MTUS2: variants seen among roughly 807,000 people sequenced by gnomAD.
MTUS2 encodes the protein microtubule-associated tumor suppressor candidate 2.
A neutral mutation model predicts 114.1 loss-of-function variants in MTUS2; 40 were observed. The observed-to-expected ratio is 0.35, with a 90% CI of 0.27 to 0.46. The LOEUF (loss-of-function observed/expected upper bound fraction) is 0.46. Among genes scored for constraint, MTUS2 ranks in the 20% least tolerant of loss-of-function variants. The pLI is 1.00. For synonymous variants in MTUS2, 688 were observed against 672.0 expected (o/e 1.02, Z -0.37); for missense variants, 1,679 against 1,705.4 (o/e 0.98, Z 0.27).
intron 8 of MTUS2, among the ~76,000 whole-genome samples, chr13:29,379,947 G>GA (rs1450791432): frequency 1.3e-5 from 2 of 152,338 alleles, no homozygotes; most frequent in East Asian, 3.9e-4. Context: ...AAATGTAACT[G>GA]AAAATAGAAG....
chr13:29,172,294 A>G (rs1490090517), intron 5 of MTUS2, among the ~76,000 whole-genome samples: 1 of 152,188 alleles, frequency 6.6e-6, no homozygotes, highest in Non-Finnish European at 1.5e-5. Context: ...CCCCTCAAAC[A>G]TGCTGGCTTC....
At chr13:29,194,357 C>T (rs1166860009) in intron 5 of MTUS2, among the ~76,000 whole-genome samples, 1 of 150,142 alleles carries the variant, frequency 6.7e-6, no homozygotes, top group Admixed American at 6.6e-5. Flanking sequence ...TGACAAAGGG[C>T]TAATATCCAG....
chr13:28,909,995 G>A (rs1221747648), intron 2 of MTUS2, among the ~76,000 whole-genome samples: 1 of 152,154 alleles, frequency 6.6e-6, no homozygotes, highest in Non-Finnish European at 1.5e-5. Context: ...AACAGAAAAT[G>A]GGGTATCCGT....
intron 2 of MTUS2, among the ~76,000 whole-genome samples, chr13:28,860,063 G>A (rs1876873723): frequency 6.6e-6 from 1 of 152,162 alleles, no homozygotes; most frequent in African/African-American, 2.4e-5. Context: ...TCTTTGGCAG[G>A]ATGGATTTAG....
At chr13:28,827,331 A>C (rs955303474) in intron 1 of MTUS2, among the ~76,000 whole-genome samples, 1 of 152,124 alleles carries the variant, frequency 6.6e-6, no homozygotes, top group African/African-American at 2.4e-5. Context: ...TATTAGTTTA[A>C]CTGGCAGGTA....
intron 5 of MTUS2, among the ~76,000 whole-genome samples, chr13:29,162,392 C>CT (rs34554022): frequency 1.2e-4 from 18 of 151,402 alleles, no homozygotes; most frequent in South Asian, 4.2e-4. Flanking sequence ...ATGCAGGACT[C>CT]TTTTTTTTTG....
intron 5 of MTUS2, among the ~76,000 whole-genome samples, chr13:29,138,479 A>C (rs1892076806): frequency 6.7e-6 from 1 of 148,166 alleles, no homozygotes; most frequent in Non-Finnish European, 1.5e-5. Context: ...TATAAATTAT[A>C]TTTATATATT....
At chr13:29,386,317 G>C (rs900524508) in intron 8 of MTUS2, among the ~76,000 whole-genome samples, 1 of 152,164 alleles carries the variant, frequency 6.6e-6, no homozygotes, top group Non-Finnish European at 1.5e-5. Context: ...ATAGCCCATG[G>C]GCACGGCGAA....
At chr13:29,050,584 C>T (rs1887846184) in intron 4 of MTUS2, among the ~76,000 whole-genome samples, 4 of 152,180 alleles carry the variant, frequency 2.6e-5, no homozygotes, top group Admixed American at 6.5e-5. Context: ...CAACCATCAG[C>T]GTCATCTTAC....
At chr13:29,008,267 G>A (rs1015697540) in intron 2 of MTUS2, among the ~76,000 whole-genome samples, 4 of 152,186 alleles carry the variant, frequency 2.6e-5, no homozygotes, top group African/African-American at 9.7e-5. Flanking sequence ...TTATCTTAGA[G>A]AGACAAACAA....
At chr13:29,488,037 G>A (rs1881760982) in intron 11 of MTUS2, 32 bp downstream of exon 11, 1 of 1,544,500 alleles carries the variant, frequency 6.5e-7, no homozygotes, top group African/African-American at 1.4e-5. Context: ...AGCAGGCAGG[G>A]GTGGGTGGTG....
At chr13:28,984,037 A>C (rs1297577068) in intron 2 of MTUS2, among the ~76,000 whole-genome samples, 3 of 152,146 alleles carry the variant, frequency 2.0e-5, no homozygotes, top group Admixed American at 6.5e-5. Context: ...CTCTATGTTC[A>C]GTGGGCTTGA....
intron 2 of MTUS2, among the ~76,000 whole-genome samples, chr13:28,962,960 C>T (rs1883397140): frequency 6.6e-6 from 1 of 152,156 alleles, no homozygotes; most frequent in Admixed American, 6.5e-5. Flanking sequence ...CCCCTTTCTA[C>T]TCTATCATTT....
rs561490077 is a variant in MTUS2, at chr13:29,374,695, C to G, written c.3117+15222C>G. Reference sequence around the variant, plus strand: ...GGTGGATCACCTGAGGTCAGGAGTTCGAGACCAGCCTGGCCAACACAGGAA... The same window carrying G: ...GGTGGATCACCTGAGGTCAGGAGTTGGAGACCAGCCTGGCCAACACAGGAA... On this transcript the variant is annotated intron_variant, in intron 8 of 15. Coordinates refer to ENST00000612955, the MANE Select transcript of MTUS2 (RefSeq NM_001033602.4). Among the ~76,000 whole-genome samples the G allele has an allele frequency of 4.7e-4, 72 of 152,178 alleles. 1 individual carries two copies. The highest frequency in any genetic ancestry group is 1.5e-3 in the Admixed American group (23 of 15,280).
At chr13:28,822,534 C>T (rs1025186430) in intron 1 of MTUS2, among the ~76,000 whole-genome samples, 19 of 152,168 alleles carry the variant, frequency 1.2e-4, no homozygotes, top group African/African-American at 4.6e-4. Context: ...GCAGAAACCT[C>T]TCTAGTCCTT....
intron 4 of MTUS2, among the ~76,000 whole-genome samples, chr13:29,069,609 A>G (rs1046965643): frequency 2.6e-5 from 4 of 152,230 alleles, no homozygotes; most frequent in Non-Finnish European, 5.9e-5. Flanking sequence ...AAAATTAACT[A>G]TGACACCTCC....
At chr13:29,056,366 G>C (rs573884746) in intron 4 of MTUS2, among the ~76,000 whole-genome samples, 1 of 151,780 alleles carries the variant, frequency 6.6e-6, no homozygotes, top group South Asian at 2.1e-4. Context: ...TGTTTTTGTT[G>C]ACTTTGTTTT....
chr13:28,924,578 G>A lies in MTUS2; in HGVS notation c.-243+84728G>A, dbSNP rs114516596. 7.0e-3 allele frequency among the ~76,000 whole-genome samples: 1,071 copies of A among 152,324 alleles called. 13 individuals carry two copies. Among genetic ancestry groups the A allele is most frequent in the African/African-American group, 0.024 (997 of 41,564 alleles). The stretch of plus-strand genomic sequence containing the variant: ...ACAAAAGTTTAAATCTACGTGCATA[G>A]GGAATAAAGGCGGGGAGCTGCTGCT... On this transcript the variant is annotated intron_variant, in intron 2 of 15. Coordinates refer to ENST00000612955, the MANE Select transcript of MTUS2 (RefSeq NM_001033602.4).
At chr13:28,851,771 C>CT (rs11370811) in intron 2 of MTUS2, among the ~76,000 whole-genome samples, 115,975 of 151,984 alleles carry the variant, frequency 0.76, 44,984 homozygotes, top group Non-Finnish European at 0.82. Context: ...GTTTCCGCCC[C>CT]GGCCCTGTGG....
Sources: allele counts gnomAD v4.1 joint callset (sites outside exome capture counted in the v4.1 genomes callset), GRCh38; gene constraint gnomAD v4.1.1; transcripts MANE v1.5; gene names NCBI Gene and HGNC (gene_info 2026-07-23, HGNC 2026-07-21).